The following ZNF385D variants were observed in gnomAD, a reference collection of about 807,000 sequenced individuals.
ZNF385D encodes zinc finger protein 385D.
ZNF385D carries 15 observed loss-of-function variants against 35.8 expected under a neutral mutation model. The observed-to-expected ratio is 0.42, with a 90% CI of 0.28 to 0.64. The LOEUF is 0.64. Ranked by LOEUF, ZNF385D falls within the 30% of genes least tolerant of loss-of-function variation. ZNF385D has a pLI of 0.23. For synonymous variants in ZNF385D, 212 were observed against 186.8 expected, an observed-to-expected ratio of 1.13 and a Z score of -1.10; for missense variants, 474 against 494.6, an observed-to-expected ratio of 0.96 and a Z score of 0.39.
At chr3:22,056,959 C>G (rs1299928183) in intron 3 of ZNF385D, among the ~76,000 whole-genome samples, 1 of 152,224 alleles carries the variant, frequency 6.6e-6, no homozygotes, top group Non-Finnish European at 1.5e-5. Context: ...GCATTGGCCA[C>G]AGCCAGCCTC....
At chr3:22,056,699 A>G (rs1033342428) in intron 3 of ZNF385D, among the ~76,000 whole-genome samples, 1 of 152,230 alleles carries the variant, frequency 6.6e-6, no homozygotes, top group Non-Finnish European at 1.5e-5. Flanking sequence ...AATGCTGTGT[A>G]ACAATCCACA....
At chr3:21,728,427 G>A (rs1262887685) in intron 1 of ZNF385D, among the ~76,000 whole-genome samples, 1 of 152,078 alleles carries the variant, frequency 6.6e-6, no homozygotes, top group African/African-American at 2.4e-5. Context: ...TTCAAGACCT[G>A]TGTGACAGCA....
chr3:22,238,285 G>A (rs955218427), intron 2 of ZNF385D, among the ~76,000 whole-genome samples: 1 of 150,586 alleles, frequency 6.6e-6, no homozygotes, highest in Non-Finnish European at 1.5e-5. Context: ...AGATTATTTT[G>A]GCTATTGGGG....
chr3:21,921,271 G>A (rs1700448669), intron 3 of ZNF385D, among the ~76,000 whole-genome samples: 1 of 148,190 alleles, frequency 6.7e-6, no homozygotes, highest in African/African-American at 2.5e-5. Context: ...TCAAATAAAT[G>A]GCATATTTAA....
At chr3:22,183,488 G>A (rs1397445353) in intron 2 of ZNF385D, among the ~76,000 whole-genome samples, 1 of 152,000 alleles carries the variant, frequency 6.6e-6, no homozygotes, top group Non-Finnish European at 1.5e-5. Context: ...CTCCTGAGTA[G>A]CTGGGACTAC....
At chr3:21,981,404 A>C (rs529837557) in intron 3 of ZNF385D, among the ~76,000 whole-genome samples, 6 of 152,000 alleles carry the variant, frequency 3.9e-5, no homozygotes, top group Non-Finnish European at 8.8e-5. Context: ...GAACACTTTT[A>C]AATGAGGCTA....
chr3:22,144,246 T>G (rs1704703628), intron 3 of ZNF385D, among the ~76,000 whole-genome samples: 1 of 152,116 alleles, frequency 6.6e-6, no homozygotes. Flanking sequence ...AAATATAGGT[T>G]TAAATTATTT....
chr3:21,739,165 T>C (rs2069386951), intron 1 of ZNF385D, among the ~76,000 whole-genome samples: 1 of 152,168 alleles, frequency 6.6e-6, no homozygotes, highest in African/African-American at 2.4e-5. Context: ...CAAGGGGAAG[T>C]AGAGGTCTAA....
chr3:21,562,837 TAACA>T (rs1208040019), intron 3 of ZNF385D, among the ~76,000 whole-genome samples: 19 of 152,062 alleles, frequency 1.2e-4, no homozygotes, highest in Non-Finnish European at 2.5e-4. Flanking sequence ...GACTCTTTTT[TAACA>T]ACAGCTTGAA....
At chr3:21,543,299 G>A (rs773499216) in intron 3 of ZNF385D, among the ~76,000 whole-genome samples, 45 of 152,224 alleles carry the variant, frequency 3.0e-4, no homozygotes, top group Non-Finnish European at 4.7e-4. Context: ...TGCGCGACAA[G>A]AGCGGGACTA....
At chr3:22,163,795 A>G (rs572528885) in intron 3 of ZNF385D, among the ~76,000 whole-genome samples, 4 of 152,352 alleles carry the variant, frequency 2.6e-5, no homozygotes, top group African/African-American at 7.2e-5. Flanking sequence ...ATTGTGGTGA[A>G]AAGTTTGTGA....
chr3:21,454,616 A>G lies in ZNF385D; in HGVS notation c.440-17413T>C, dbSNP rs1702671555. On this transcript the variant is annotated intron_variant, in intron 4 of 7. Transcript: ENST00000281523. The stretch of plus-strand genomic sequence containing the variant: ...AAAATAATAAGAGCTATTTATGACA[A>G]ACCCACAGCCAATATCATACTGAAT... Among the ~76,000 whole-genome samples, 5 of 152,224 alleles carry G rather than the reference A, an allele frequency of 3.3e-5. No individual in the cohort carries two copies. In the South Asian group the frequency reaches 1.0e-3, roughly 32 times the overall value.
chr3:22,226,441 T>C (rs1197285556), intron 2 of ZNF385D, among the ~76,000 whole-genome samples: 1 of 152,176 alleles, frequency 6.6e-6, no homozygotes, highest in Non-Finnish European at 1.5e-5. Flanking sequence ...CCAAGATTAT[T>C]GTTTCATACA....
At chr3:21,702,414 G>C (rs553081352) in intron 1 of ZNF385D, among the ~76,000 whole-genome samples, 2 of 152,168 alleles carry the variant, frequency 1.3e-5, no homozygotes, top group Non-Finnish European at 2.9e-5. Flanking sequence ...CCCTGGGCCC[G>C]GCCCATGAAA....
chr3:22,313,938 G>A (rs963409084), intron 2 of ZNF385D, among the ~76,000 whole-genome samples: 2 of 152,046 alleles, frequency 1.3e-5, no homozygotes, highest in African/African-American at 4.8e-5. Flanking sequence ...TCTCTTCTCA[G>A]TTATCCTATT....
At chr3:22,066,249 T>C (rs140918915) in intron 3 of ZNF385D, among the ~76,000 whole-genome samples, 1,673 of 152,148 alleles carry the variant, frequency 0.011, 36 homozygotes, top group African/African-American at 0.038. Context: ...CAAGTGTAGT[T>C]TGGAAAGACC....
At chr3:21,485,267 G>A (rs927239049) in intron 4 of ZNF385D, among the ~76,000 whole-genome samples, 7 of 152,148 alleles carry the variant, frequency 4.6e-5, no homozygotes, top group Admixed American at 2.0e-4. Context: ...CTAAAAAAAT[G>A]CTTATCCTGA....
At chr3:22,185,765 C>G (rs1396703734) in intron 2 of ZNF385D, among the ~76,000 whole-genome samples, 1 of 152,164 alleles carries the variant, frequency 6.6e-6, no homozygotes, top group African/African-American at 2.4e-5. Context: ...CATGCCCTGT[C>G]CACTTTCTTT....
At chr3:21,454,497 C>T (rs563157904) in intron 4 of ZNF385D, among the ~76,000 whole-genome samples, 3 of 152,150 alleles carry the variant, frequency 2.0e-5, no homozygotes, top group African/African-American at 7.2e-5. Flanking sequence ...GCATCACTGG[C>T]CTTTGTGCTT....
Sources: gnomAD v4.1 joint callset for allele counts (sites outside exome capture counted in the v4.1 genomes callset) on GRCh38, gnomAD v4.1.1 for gene constraint, MANE v1.5 for transcripts, NCBI Gene and HGNC (gene_info 2026-07-23, HGNC 2026-07-21) for gene names.